The following SLC7A11 variants were observed in gnomAD, a reference collection of about 807,000 sequenced individuals.
The protein encoded by SLC7A11 is cystine/glutamate transporter.
A neutral mutation model predicts 54.5 loss-of-function variants in SLC7A11; 35 were observed. That is an observed-to-expected ratio of 0.64 (90% CI 0.49 to 0.85). SLC7A11 has a LOEUF of 0.85. Among genes scored for constraint, SLC7A11 ranks in the 40% least tolerant of loss-of-function variants. SLC7A11 has a pLI of 0.00. For missense variants in SLC7A11, 583 were observed against 618.1 expected (o/e 0.94, Z 0.60); for synonymous variants, 230 against 225.2 (o/e 1.02, Z -0.19).
intron 1 of SLC7A11, among the ~76,000 whole-genome samples, chr4:138,239,317 C>T (rs1738322083): frequency 6.6e-6 from 1 of 152,058 alleles, no homozygotes; most frequent in Non-Finnish European, 1.5e-5. Flanking sequence ...AGGTCTCAAG[C>T]TTCATAACCA....
chr4:138,241,925 C>T lies in SLC7A11; in HGVS notation c.145G>A (p.Gly49Arg). The T allele has an allele frequency of 6.2e-7, 1 of 1,613,976 alleles. No individual in the cohort carries two copies. The highest frequency in any genetic ancestry group is 8.5e-7 in the Non-Finnish European group (1 of 1,179,936). Residue 49 changes from glycine to arginine, a missense_variant, in exon 1 of 12, where the codon GGA becomes AGA. By Grantham distance (125) the Gly-to-Arg change is moderately radical. Transcript: ENST00000280612. ...ATGGTGCCAATGATAATGGAGACTC[C>T]CCTCAGTAAAGTGACTTTCCTCTTC... Reference protein sequence around the residue: ...QLKRKVTLLRGVSIIIGTIIG... With the variant: ...QLKRKVTLLRRVSIIIGTIIG...
Position 138,170,250 on chromosome 4 carries a change from G to GTGTGTATATATATATATATATA in SLC7A11, c.*1705_*1706insTATATATATATATATATACACA, listed in dbSNP as rs1443314500. On this transcript the variant is annotated 3_prime_UTR_variant, in exon 12 of 12. Transcript: ENST00000280612. ...ATATAAAAAGTGTGTGTGTGTGTGTGTATATATATATATATATATATACAC... is the reference window on the plus strand; with the variant it reads ...ATATAAAAAGTGTGTGTGTGTGTGTGTGTGTATATATATATATATATATATATATATATATATATATATACAC... 1.3e-5 allele frequency: 1 copy of GTGTGTATATATATATATATATA among 74,074 alleles called. No homozygotes were observed. The highest frequency in any genetic ancestry group is 4.7e-5 in the African/African-American group (1 of 21,364). The allele number at this position is 74,074 out of a possible 1,614,324, so 4.6% of individuals were successfully genotyped here.
chr4:138,211,118 C>T (rs917715028), intron 6 of SLC7A11, among the ~76,000 whole-genome samples: 9 of 151,930 alleles, frequency 5.9e-5, no homozygotes, highest in African/African-American at 2.2e-4. Flanking sequence ...TGGCCATTAT[C>T]CTATGCAAAT....
At position 138,166,273 on chromosome 4, in the gene SLC7A11, C is replaced by T. The variant is rs1424954854; in HGVS notation, c.*5683G>A. On this transcript the variant is annotated 3_prime_UTR_variant, in exon 12 of 12. Coordinates refer to ENST00000280612, the MANE Select transcript of SLC7A11 (RefSeq NM_014331.4). ...TTTGATGTCTAAATTTTATAATACA[C>T]ATTTAAGTCAGACCACTCACAACCC... The T allele has an allele frequency of 6.6e-6, 1 of 152,070 alleles. No individual in the cohort carries two copies. Among genetic ancestry groups the T allele is most frequent in the Non-Finnish European group, 1.5e-5 (1 of 68,000 alleles). The allele number at this position is 152,070 out of a possible 1,614,324, so 9.4% of individuals were successfully genotyped here.
At chr4:138,225,138 C>CTATATATATATATATATA (rs36216785) in intron 3 of SLC7A11, among the ~76,000 whole-genome samples, 271 of 118,254 alleles carry the variant, frequency 2.3e-3, no homozygotes, top group East Asian at 5.5e-3. Context: ...AATAATTTCA[C>CTATATATATATATATATA]TATATATATA....
intron 2 of SLC7A11, among the ~76,000 whole-genome samples, chr4:138,235,099 GT>G (rs1436041191): frequency 5.3e-5 from 8 of 152,044 alleles, no homozygotes; most frequent in Admixed American, 1.3e-4. Context: ...AGAATAGAAG[GT>G]ATCATGCTCA....
intron 6 of SLC7A11, among the ~76,000 whole-genome samples, chr4:138,194,389 T>C (rs1364840665): frequency 2.0e-5 from 3 of 152,188 alleles, no homozygotes; most frequent in African/African-American, 7.2e-5. Flanking sequence ...AAAATAAGCT[T>C]TTGTGCATTC....
In SLC7A11 at chr4:138,240,560, T is replaced by C. The variant is rs560630212; in HGVS notation, c.277+1233A>G. Among the ~76,000 whole-genome samples, 4 of 59,140 alleles carry C rather than the reference T, an allele frequency of 6.8e-5. No individual in the cohort carries two copies. In the East Asian group the frequency reaches 2.0e-3, roughly 29 times the overall value. 38.8% of individuals were successfully genotyped at this position (59,140 alleles called of 152,430 possible). On this transcript the variant is annotated intron_variant, in intron 1 of 11. Transcript: ENST00000280612. ...CCAGCCTGGGCAAAGAGCGAGTCTC[T>C]GTCTCAAAAAAAAAAAAAAAATGGA...
chr4:138,185,018 G>T, intron 7 of SLC7A11, 103 bp downstream of exon 7: 1 of 1,305,776 alleles, frequency 7.7e-7, no homozygotes, highest in Non-Finnish European at 1.1e-6. Flanking sequence ...GTCAAGAAAA[G>T]ATTACTGAAT....
At chr4:138,228,758 CAAAAAAA>C (rs5862371) in intron 3 of SLC7A11, among the ~76,000 whole-genome samples, 1 of 67,776 alleles carries the variant, frequency 1.5e-5, no homozygotes, top group Admixed American at 2.3e-4. Flanking sequence ...GACTCCGTCT[CAAAAAAA>C]AAAAAAAAAA....
intron 1 of SLC7A11, among the ~76,000 whole-genome samples, chr4:138,238,610 T>TA (rs1438417845): frequency 2.0e-5 from 3 of 151,432 alleles, no homozygotes; most frequent in Admixed American, 6.6e-5. Flanking sequence ...TTTTTTTTTT[T>TA]AATTTTTGAG....
intron 3 of SLC7A11, among the ~76,000 whole-genome samples, chr4:138,223,886 G>T (rs578135076): frequency 1.4e-4 from 21 of 152,222 alleles, no homozygotes; most frequent in African/African-American, 5.1e-4. Context: ...TCAACCCACC[G>T]TACAAGTATA....
chr4:138,201,787 A>G (rs1216935799), intron 6 of SLC7A11, among the ~76,000 whole-genome samples: 2 of 152,172 alleles, frequency 1.3e-5, no homozygotes, highest in African/African-American at 4.8e-5. Context: ...TACTATGAGC[A>G]AAGCATTGTC....
chr4:138,172,600 G>A lies in SLC7A11; in HGVS notation c.1445-583C>T, dbSNP rs536867057. On this transcript the variant is annotated intron_variant, in intron 11 of 11. Coordinates refer to ENST00000280612, the MANE Select transcript of SLC7A11 (RefSeq NM_014331.4). ...ACTAGAAATGCATCTTTTCAAGCTC[G>A]ATCCTAGACCTACTCAATTAGAAAC... Among the ~76,000 whole-genome samples, 115 of 152,226 alleles carry A rather than the reference G, an allele frequency of 7.6e-4. No individual in the cohort carries two copies. The South Asian group carries it at 0.012, about 16-fold the overall frequency.
In SLC7A11 at chr4:138,179,265, G is replaced by T. The variant is rs757026554; in HGVS notation, c.1396C>A (p.Leu466Ile). Reference protein sequence around the residue: ...ITLTGVPAYYLFIIWDKKPRW... With the variant: ...ITLTGVPAYYIFIIWDKKPRW... Reference sequence around the variant, plus strand: ...GGTTTCTTGTCCCATATAATAAAGAGATAATACGCAGGGACTCCAGTCAGA... The same window carrying T: ...GGTTTCTTGTCCCATATAATAAAGATATAATACGCAGGGACTCCAGTCAGA... The change falls in exon 11 of 12, where the codon CTC (leucine) becomes ATC (isoleucine). Residue 466 changes from leucine to isoleucine, a missense_variant. Transcript: ENST00000280612. 2.9e-5 allele frequency: 46 copies of T among 1,612,348 alleles called. No homozygotes were observed. Among genetic ancestry groups the T allele is most frequent in the Non-Finnish European group, 3.9e-5 (46 of 1,178,748 alleles).
At position 138,226,606 on chromosome 4, in the gene SLC7A11, T is replaced by C. The variant is rs184431620; in HGVS notation, c.521-3282A>G. 1.6e-4 allele frequency among the ~76,000 whole-genome samples: 25 copies of C among 152,180 alleles called. 1 individual carries two copies. The East Asian group carries it at 4.4e-3, about 27-fold the overall frequency. On this transcript the variant is annotated intron_variant, in intron 3 of 11. Transcript: ENST00000280612. The stretch of plus-strand genomic sequence containing the variant: ...GTGAAGCTTCTCCGGTGGCTATAAC[T>C]GCTGTTTCATCACGTGTCTTTACAG...
Position 138,180,766 on chromosome 4 carries a change from A to G in SLC7A11, c.1141T>C (p.Phe381Leu). ...VLHPLTMIML[F>L]SGDLDSLLNF... is the part of the protein sequence containing the mutation. ...AAAAGACTGTCGAGGTCTCCAGAGA[A>G]GAGCATTATCATTGTCAAAGGGTGC... The change falls in exon 10 of 12, where the codon TTC (phenylalanine) becomes CTC (leucine). Residue 381 changes from phenylalanine (F) to leucine (L), a missense_variant. Coordinates refer to ENST00000280612, the MANE Select transcript of SLC7A11 (RefSeq NM_014331.4). 6.2e-7 allele frequency: 1 copy of G among 1,612,742 alleles called. No individual in the cohort carries two copies. The highest frequency in any genetic ancestry group is 8.5e-7 in the Non-Finnish European group (1 of 1,179,286).
intron 6 of SLC7A11, among the ~76,000 whole-genome samples, chr4:138,211,633 T>C (rs1055850856): frequency 2.0e-5 from 3 of 151,948 alleles, no homozygotes; most frequent in African/African-American, 7.2e-5. Flanking sequence ...GGAATCAATC[T>C]AAGAGTCCAT....
At chr4:138,225,293 AAACTC>A (rs1319427326) in intron 3 of SLC7A11, among the ~76,000 whole-genome samples, 2 of 151,630 alleles carry the variant, frequency 1.3e-5, no homozygotes, top group African/African-American at 4.8e-5. Context: ...TTTTTGGAAA[AAACTC>A]CAAGATGGGA....
Sources: gnomAD v4.1 joint callset for allele counts (sites outside exome capture counted in the v4.1 genomes callset) on GRCh38, gnomAD v4.1.1 for gene constraint, MANE v1.5 for transcripts, NCBI Gene and HGNC (gene_info 2026-07-23, HGNC 2026-07-21) for gene names.